The following AFF1 variants were observed in gnomAD, a reference collection of about 807,000 sequenced individuals.
AFF1 encodes the protein ALF transcription elongation factor 1, also known as AF4/FMR2 family member 1.
AFF1 carries 48 observed loss-of-function variants against 121.7 expected under a neutral mutation model. The observed-to-expected ratio is 0.39, with a 90% CI of 0.31 to 0.50. AFF1 has a LOEUF of 0.50. Ranked by LOEUF, AFF1 falls within the 20% of genes least tolerant of loss-of-function variation. The pLI, the probability that AFF1 is intolerant of heterozygous loss-of-function variation, is 0.76. For missense variants in AFF1, 1,523 were observed against 1,511.7 expected, an observed-to-expected ratio of 1.01 and a Z score of -0.12; for synonymous variants, 613 against 563.0, an observed-to-expected ratio of 1.09 and a Z score of -1.26.
At chr4:87,062,711 T>C (rs9995808) in intron 4 of AFF1, among the ~76,000 whole-genome samples, 9,556 of 151,524 alleles carry the variant, frequency 0.063, 624 homozygotes, top group African/African-American at 0.16. Context: ...TTTCTTTTGA[T>C]TTTAGCAATA....
At chr4:87,133,611 C>A (rs1235849390) in intron 19 of AFF1, among the ~76,000 whole-genome samples, 2 of 152,136 alleles carry the variant, frequency 1.3e-5, no homozygotes, top group Non-Finnish European at 2.9e-5. Flanking sequence ...TCATACCAAG[C>A]CTTGTTTTAG....
chr4:87,060,404 G>T (rs1720618488), intron 4 of AFF1, among the ~76,000 whole-genome samples: 1 of 152,090 alleles, frequency 6.6e-6, no homozygotes, highest in South Asian at 2.1e-4. Context: ...TAATAAAACT[G>T]CTGTTAATCT....
chr4:86,956,139 A>G (rs725030), intron 2 of AFF1, among the ~76,000 whole-genome samples: 16,475 of 152,240 alleles, frequency 0.11, 1,147 homozygotes, highest in East Asian at 0.21. Context: ...CTGCATTTTC[A>G]AGTGAACTAG....
intron 12 of AFF1, among the ~76,000 whole-genome samples, chr4:87,115,887 G>A (rs986993007): frequency 6.6e-6 from 1 of 152,022 alleles, no homozygotes; most frequent in Admixed American, 6.6e-5. Flanking sequence ...AAAGTGATGG[G>A]ATTACAGGCC....
At chr4:87,131,959 A>T in intron 18 of AFF1, 95 bp downstream of exon 18, 1 of 1,140,962 alleles carries the variant, frequency 8.8e-7, no homozygotes, top group Non-Finnish European at 1.2e-6. Context: ...TAATGTGAAA[A>T]TTATGAAAAG....
At chr4:87,123,788 G>A (rs1578303486) in intron 12 of AFF1, among the ~76,000 whole-genome samples, 1 of 152,202 alleles carries the variant, frequency 6.6e-6, no homozygotes, top group East Asian at 1.9e-4. Flanking sequence ...TCTTAAACTC[G>A]GGAGGAGAGG....
chr4:87,131,327 C>G, intron 17 of AFF1, 108 bp downstream of exon 17: 1 of 1,428,712 alleles, frequency 7.0e-7, no homozygotes, highest in Non-Finnish European at 9.5e-7. Flanking sequence ...AAAGGGGAGC[C>G]TTAAAAAAGT....
chr4:87,087,904 C>A (rs1723896256), intron 5 of AFF1, among the ~76,000 whole-genome samples: 1 of 152,120 alleles, frequency 6.6e-6, no homozygotes, highest in Non-Finnish European at 1.5e-5. Flanking sequence ...GGTTCTGTGC[C>A]TTAAAGTATT....
At chr4:87,117,139 C>G (rs1185129297) in intron 12 of AFF1, among the ~76,000 whole-genome samples, 2 of 152,150 alleles carry the variant, frequency 1.3e-5, no homozygotes, top group African/African-American at 4.8e-5. Flanking sequence ...AGTTCATACC[C>G]CAGTGCAAAT....
At chr4:87,062,188 A>G (rs1322439294) in intron 4 of AFF1, among the ~76,000 whole-genome samples, 1 of 152,220 alleles carries the variant, frequency 6.6e-6, no homozygotes, top group Non-Finnish European at 1.5e-5. Flanking sequence ...TAATTTATAA[A>G]CAATAGACAT....
chr4:87,053,785 CAAG>C (rs1394130165), intron 4 of AFF1, among the ~76,000 whole-genome samples: 1 of 152,174 alleles, frequency 6.6e-6, no homozygotes, highest in East Asian at 1.9e-4. Context: ...TGACATTAGT[CAAG>C]TAATCACTCA....
rs760820826 is a variant in AFF1 at position 87,105,851 on chromosome 4, G to A, written c.1376+6G>A. On this transcript the variant is annotated splice_donor_region_variant and intron_variant, in intron 10 of 20. Transcript: ENST00000395146. Reference sequence around the variant, plus strand: ...TCCTCATCTGCACCTCCAAGGTACCGTGTGGGTTTCTCCCCATCTGTACAG... The same window carrying A: ...TCCTCATCTGCACCTCCAAGGTACCATGTGGGTTTCTCCCCATCTGTACAG... 2.4e-5 allele frequency: 38 copies of A among 1,613,850 alleles called. No homozygotes were observed. Among genetic ancestry groups the A allele is most frequent in the Non-Finnish European group, 2.9e-5 (34 of 1,179,938 alleles).
At chr4:86,954,783 C>T (rs983096900) in intron 2 of AFF1, among the ~76,000 whole-genome samples, 1 of 152,148 alleles carries the variant, frequency 6.6e-6, no homozygotes, top group African/African-American at 2.4e-5. Flanking sequence ...AGTGGATCAT[C>T]ATAAAGGTCT....
chr4:87,025,071 A>G (rs1728392927), intron 2 of AFF1, among the ~76,000 whole-genome samples: 1 of 152,146 alleles, frequency 6.6e-6, no homozygotes, highest in African/African-American at 2.4e-5. Context: ...ATCCTGCTCC[A>G]TAGGCTGCCA....
intron 2 of AFF1, among the ~76,000 whole-genome samples, chr4:86,986,596 GAAAA>G (rs537119945): frequency 6.8e-6 from 1 of 146,936 alleles, no homozygotes; most frequent in Non-Finnish European, 1.5e-5. Flanking sequence ...GAACTCTGCA[GAAAA>G]AAAAAATTGT....
At chr4:87,007,208 G>T in intron 2 of AFF1, 1 of 1,433,028 alleles carries the variant, frequency 7.0e-7, no homozygotes, top group Non-Finnish European at 9.1e-7. Flanking sequence ...ATCAGGATTA[G>T]CGCGAGCCAA....
At chr4:87,093,563 C>T (rs1724531690) in intron 7 of AFF1, among the ~76,000 whole-genome samples, 2 of 152,126 alleles carry the variant, frequency 1.3e-5, no homozygotes, top group Non-Finnish European at 2.9e-5. Context: ...TCCACAATTG[C>T]AAAACCCAGA....
At chr4:87,021,161 G>T (rs1194982699) in intron 2 of AFF1, among the ~76,000 whole-genome samples, 1 of 152,112 alleles carries the variant, frequency 6.6e-6, no homozygotes, top group Admixed American at 6.6e-5. Flanking sequence ...ATTTTTCTGA[G>T]TCTTCTGTCA....
chr4:87,047,331 C>T lies in AFF1; in HGVS notation c.796C>T (p.Pro266Ser), dbSNP rs1730810988. 1.9e-6 allele frequency: 3 copies of T among 1,614,140 alleles called. No individual in the cohort carries two copies. The highest frequency in any genetic ancestry group is 1.7e-6 in the Non-Finnish European group (2 of 1,180,014). Reference sequence around the variant, plus strand: ...AGTGAAAGTCCATGATAAAGAGACCCCTCAAGACAGTTTGGTGGCCCCTGC... The same window carrying T: ...AGTGAAAGTCCATGATAAAGAGACCTCTCAAGACAGTTTGGTGGCCCCTGC... ...LAVKVHDKET[P>S]QDSLVAPAQP... is the part of the protein sequence containing the mutation. Residue 266 changes from proline (P) to serine (S), a missense_variant, in exon 4 of 21, where the codon CCT becomes TCT. By Grantham distance (74) the Pro-to-Ser change is moderately conservative (BLOSUM62 -1). Transcript: ENST00000395146.
Sources: gnomAD v4.1 joint callset for allele counts (sites outside exome capture counted in the v4.1 genomes callset) on GRCh38, gnomAD v4.1.1 for gene constraint, MANE v1.5 for transcripts, NCBI Gene and HGNC (gene_info 2026-07-23, HGNC 2026-07-21) for gene names.